Variants in PAK1 observed in about 807,000 individuals in gnomAD.
PAK1 encodes the protein p21 (RAC1) activated kinase 1, also known as serine/threonine-protein kinase PAK 1.
A neutral mutation model predicts 67.4 loss-of-function variants in PAK1; 29 were observed. That is an observed-to-expected ratio of 0.43 (90% CI 0.32 to 0.59). PAK1 has a LOEUF of 0.59. Among genes scored for constraint, PAK1 ranks in the 20% least tolerant of loss-of-function variants. PAK1 has a pLI of 0.07. For synonymous variants in PAK1, 223 were observed against 237.4 expected, an observed-to-expected ratio of 0.94 and a Z score of 0.56; for missense variants, 337 against 670.7, an observed-to-expected ratio of 0.50 and a Z score of 5.50.
intron 1 of PAK1, among the ~76,000 whole-genome samples, chr11:77,400,247 G>T (rs904658898): frequency 6.6e-6 from 1 of 152,114 alleles, no homozygotes; most frequent in Admixed American, 6.5e-5. Context: ...GTACAGTGTG[G>T]CAGAATGCAA....
intron 1 of PAK1, among the ~76,000 whole-genome samples, chr11:77,467,903 A>G (rs1393375491): frequency 6.6e-6 from 1 of 152,222 alleles, no homozygotes; most frequent in Non-Finnish European, 1.5e-5. Context: ...GCAGTAATAC[A>G]CAAATCAAGG....
At chr11:77,502,544 A>G in the PAK1 span, among the ~76,000 whole-genome samples, 2 of 152,204 alleles carry the variant, frequency 1.3e-5, no homozygotes, top group African/African-American at 4.8e-5. Flanking sequence ...AAAAATGCAG[A>G]AAGAAATTTA....
the PAK1 span, among the ~76,000 whole-genome samples, chr11:77,504,140 G>A: frequency 2.6e-5 from 4 of 152,094 alleles, no homozygotes; most frequent in African/African-American, 9.7e-5. Flanking sequence ...TGATCTGCCC[G>A]CCTCAGCCTT....
the PAK1 span, among the ~76,000 whole-genome samples, chr11:77,519,269 T>G: frequency 3.3e-5 from 5 of 152,200 alleles, no homozygotes; most frequent in Admixed American, 3.3e-4. Context: ...ACCCCACCCT[T>G]TTTTTCATGC....
intron 10 of PAK1, among the ~76,000 whole-genome samples, chr11:77,342,048 A>T (rs573774280): frequency 2.0e-5 from 3 of 152,160 alleles, no homozygotes; most frequent in Non-Finnish European, 4.4e-5. Context: ...TCTAATCACT[A>T]ATGTTATTAG....
the PAK1 span, among the ~76,000 whole-genome samples, chr11:77,525,471 AC>A: frequency 6.6e-6 from 1 of 152,202 alleles, no homozygotes; most frequent in Non-Finnish European, 1.5e-5. Flanking sequence ...CATATTATGG[AC>A]CGAAAGAACT....
chr11:77,489,383 C>T, the PAK1 span, among the ~76,000 whole-genome samples: 4 of 147,398 alleles, frequency 2.7e-5, no homozygotes, highest in Non-Finnish European at 6.1e-5. Flanking sequence ...CCTATCTCCC[C>T]TCCCTCCTCT....
intron 1 of PAK1, among the ~76,000 whole-genome samples, chr11:77,419,316 T>G (rs1402349153): frequency 6.6e-6 from 1 of 152,232 alleles, no homozygotes; most frequent in Admixed American, 6.5e-5. Context: ...TTAACATGTT[T>G]TAAGTGCAAT....
intron 12 of PAK1, 62 bp from the exon 13 acceptor site, chr11:77,336,344 T>TA: frequency 7.6e-7 from 1 of 1,307,560 alleles, no homozygotes; most frequent in Non-Finnish European, 1.1e-6. Context: ...TCAGTAAGTG[T>TA]TGACTGTGTA....
intron 2 of PAK1, among the ~76,000 whole-genome samples, chr11:77,391,215 T>C (rs538741443): frequency 2.0e-5 from 3 of 152,320 alleles, no homozygotes; most frequent in Middle Eastern, 3.4e-3. Context: ...GATTTTACCA[T>C]GTAGTCTACC....
At chr11:77,478,474 T>C (rs2135628889), upstream of PAK1, among the ~76,000 whole-genome samples, 1 of 152,262 alleles carries the variant, frequency 6.6e-6, no homozygotes, top group East Asian at 1.9e-4. Flanking sequence ...AAGAATAGTA[T>C]TTAAATGTGA....
intron 1 of PAK1, among the ~76,000 whole-genome samples, chr11:77,423,402 T>C (rs1301862097): frequency 1.5e-5 from 2 of 136,952 alleles, no homozygotes; most frequent in South Asian, 2.4e-4. Context: ...TGCTTTCAAA[T>C]ACACACACAC....
intron 1 of PAK1, among the ~76,000 whole-genome samples, chr11:77,422,112 A>AT (rs1955297890): frequency 6.6e-6 from 1 of 152,152 alleles, no homozygotes; most frequent in African/African-American, 2.4e-5. Context: ...GATAGTATTT[A>AT]TTTTTACCTC....
At chr11:77,441,519 G>A (rs1956354590) in intron 1 of PAK1, among the ~76,000 whole-genome samples, 1 of 152,204 alleles carries the variant, frequency 6.6e-6, no homozygotes, top group Admixed American at 6.5e-5. Flanking sequence ...CTGAAATGGA[G>A]GTGGATAAGT....
intron 1 of PAK1, among the ~76,000 whole-genome samples, chr11:77,402,332 T>C (rs1952814415): frequency 6.6e-6 from 1 of 152,130 alleles, no homozygotes; most frequent in African/African-American, 2.4e-5. Flanking sequence ...TCTGTACCTC[T>C]AATCCTCCCC....
At chr11:77,491,245 TA>T in the PAK1 span, among the ~76,000 whole-genome samples, 1 of 149,198 alleles carries the variant, frequency 6.7e-6, no homozygotes, top group Non-Finnish European at 1.5e-5. Flanking sequence ...GTACACAGAC[TA>T]TTATAACACT....
intron 1 of PAK1, among the ~76,000 whole-genome samples, chr11:77,401,539 A>G (rs1401306589): frequency 3.3e-5 from 5 of 152,214 alleles, no homozygotes; most frequent in African/African-American, 1.2e-4. Flanking sequence ...ATAAATGTTC[A>G]ACAAATATTT....
the PAK1 span, among the ~76,000 whole-genome samples, chr11:77,523,498 C>T: frequency 6.6e-6 from 1 of 151,496 alleles, no homozygotes; most frequent in African/African-American, 2.4e-5. Context: ...CAGCTCACCA[C>T]AACCTCCACC....
At chr11:77,456,935 G>A (rs1242946625) in intron 1 of PAK1, among the ~76,000 whole-genome samples, 1 of 151,998 alleles carries the variant, frequency 6.6e-6, no homozygotes, top group Non-Finnish European at 1.5e-5. Flanking sequence ...TAGAGACAGG[G>A]TTTCTCCGTG....
Sources: allele counts gnomAD v4.1 joint callset (sites outside exome capture counted in the v4.1 genomes callset), GRCh38; gene constraint gnomAD v4.1.1; transcripts MANE v1.5; gene names NCBI Gene and HGNC (gene_info 2026-07-23, HGNC 2026-07-21).